Variants in VPS13B observed in about 807,000 individuals in gnomAD.
VPS13B encodes the protein intermembrane lipid transfer protein VPS13B.
Under a neutral mutation model 426.4 loss-of-function variants are expected in VPS13B, and 285 were observed. The ratio of observed to expected loss-of-function variants is 0.67; its 90% CI spans 0.61 to 0.74. The LOEUF is 0.74. Among genes scored for constraint, VPS13B ranks in the 30% least tolerant of loss-of-function variants. The pLI, the probability that VPS13B is intolerant of heterozygous loss-of-function variation, is 0.00. For synonymous variants in VPS13B, 1,676 were observed against 1,676.4 expected (o/e 1.00, Z 0.01); for missense variants, 4,537 against 4,782.6 (o/e 0.95, Z 1.51).
At chr8:99,444,126 T>G (rs1049589100) in intron 23 of VPS13B, among the ~76,000 whole-genome samples, 1 of 151,794 alleles carries the variant, frequency 6.6e-6, no homozygotes, top group Non-Finnish European at 1.5e-5. Context: ...TGAGATGGAG[T>G]CTTGCTCTGT....
At chr8:99,218,321 G>T (rs1341481502) in intron 17 of VPS13B, among the ~76,000 whole-genome samples, 1 of 152,196 alleles carries the variant, frequency 6.6e-6, no homozygotes, top group African/African-American at 2.4e-5. Flanking sequence ...GAAGAAGTTT[G>T]CTGATCCTTG....
intron 3 of VPS13B, among the ~76,000 whole-genome samples, chr8:99,081,567 C>A (rs1845459434): frequency 8.5e-6 from 1 of 118,050 alleles, no homozygotes; most frequent in Admixed American, 9.1e-5. Context: ...AAATGCTATC[C>A]CTCCCCCCTC....
rs368362777 is a variant in VPS13B, at chr8:99,577,506, G to T, written c.5093G>T (p.Gly1698Val). ...NLHTEEILVC[G>V]HSLEVNITTN... ...TTGCTTCAGGAGATTTTAGTGTGTGGCCATTCCTTAGAAGTGAATATAACC... is the reference window on the plus strand; with the variant it reads ...TTGCTTCAGGAGATTTTAGTGTGTGTCCATTCCTTAGAAGTGAATATAACC... Residue 1698 changes from glycine (G) to valine (V), a missense_variant, in exon 33 of 62, where the codon GGC (glycine) becomes GTC (valine). By Grantham distance (109) the Gly-to-Val change is moderately radical. Coordinates refer to ENST00000357162, the MANE Select transcript of VPS13B (RefSeq NM_152564.5). 96 of 1,613,574 alleles carry T rather than the reference G, an allele frequency of 5.9e-5. No individual in the cohort carries two copies. Among genetic ancestry groups the T allele is most frequent in the Non-Finnish European group, 7.2e-5 (85 of 1,179,714 alleles).
intron 39 of VPS13B, among the ~76,000 whole-genome samples, chr8:99,742,626 C>T (rs1194034170): frequency 6.6e-6 from 1 of 152,126 alleles, no homozygotes; most frequent in Non-Finnish European, 1.5e-5. Context: ...GCTTATCCAC[C>T]ATGATCAAGT....
intron 3 of VPS13B, among the ~76,000 whole-genome samples, chr8:99,070,017 G>A (rs912439701): frequency 2.0e-5 from 3 of 152,096 alleles, no homozygotes; most frequent in Non-Finnish European, 4.4e-5. Flanking sequence ...GATTCCCCCC[G>A]CCACGGCATC....
intron 21 of VPS13B, among the ~76,000 whole-genome samples, chr8:99,416,474 ACTC>A (rs1816013027): frequency 1.3e-5 from 2 of 151,706 alleles, no homozygotes; most frequent in Non-Finnish European, 1.5e-5. Context: ...TGAAAAAAAA[ACTC>A]CTGCAGCTAG....
chr8:99,633,757 A>G (rs1217215723), intron 33 of VPS13B, among the ~76,000 whole-genome samples: 1 of 151,090 alleles, frequency 6.6e-6, no homozygotes, highest in Non-Finnish European at 1.5e-5. Context: ...GTTGTTTCTT[A>G]TGTAGAGGCA....
intron 29 of VPS13B, among the ~76,000 whole-genome samples, chr8:99,517,637 C>A (rs1045036664): frequency 2.0e-5 from 3 of 152,086 alleles, no homozygotes; most frequent in African/African-American, 7.2e-5. Context: ...CTTTGACTTC[C>A]AGCTTAATCT....
chr8:99,765,832 TG>T (rs369111819), intron 39 of VPS13B, among the ~76,000 whole-genome samples: 47 of 152,324 alleles, frequency 3.1e-4, no homozygotes, highest in African/African-American at 1.0e-3. Context: ...GATTTTATCA[TG>T]GGTTTCATGC....
intron 21 of VPS13B, among the ~76,000 whole-genome samples, chr8:99,405,702 G>C (rs1428507153): frequency 6.6e-6 from 1 of 151,856 alleles, no homozygotes; most frequent in Non-Finnish European, 1.5e-5. Context: ...ACCTCCATTA[G>C]GTTCTCCCAT....
chr8:99,599,303 A>T (rs544507506), intron 33 of VPS13B, among the ~76,000 whole-genome samples: 1 of 151,910 alleles, frequency 6.6e-6, no homozygotes, highest in African/African-American at 2.4e-5. Flanking sequence ...CTTCCCATTC[A>T]TGCTAAATTA....
chr8:99,875,286 A>T, intron 61 of VPS13B, 132 bp from the exon 62 acceptor site: 1 of 1,288,970 alleles, frequency 7.8e-7, no homozygotes, highest in South Asian at 1.2e-5. Context: ...AAAAGGAAAC[A>T]TTCTGGATTA....
intron 21 of VPS13B, among the ~76,000 whole-genome samples, chr8:99,401,898 C>T (rs1158468745): frequency 6.6e-6 from 1 of 151,990 alleles, no homozygotes; most frequent in East Asian, 1.9e-4. Flanking sequence ...ATGTGTTTCT[C>T]ATTTTTAGAT....
chr8:99,696,769 C>T (rs1832023938), intron 35 of VPS13B: 2 of 1,395,772 alleles, frequency 1.4e-6, no homozygotes, highest in Middle Eastern at 2.2e-4. Context: ...ATGAGGAAAT[C>T]ATGCGTTTTT....
intron 2 of VPS13B, among the ~76,000 whole-genome samples, chr8:99,014,342 T>G (rs1841493180): frequency 6.6e-6 from 1 of 151,834 alleles, no homozygotes; most frequent in African/African-American, 2.4e-5. Context: ...GGTCTCGAAC[T>G]CCTGAGCTTA....
At chr8:99,838,250 A>T (rs1815499436) in intron 54 of VPS13B, among the ~76,000 whole-genome samples, 1 of 152,172 alleles carries the variant, frequency 6.6e-6, no homozygotes, top group Non-Finnish European at 1.5e-5. Flanking sequence ...CCATGATTTG[A>T]TAGTTAGTGG....
At chr8:99,841,750 G>A (rs992325154) in intron 54 of VPS13B, among the ~76,000 whole-genome samples, 15 of 152,164 alleles carry the variant, frequency 9.9e-5, no homozygotes, top group Admixed American at 9.2e-4. Flanking sequence ...TCTCAGAAAC[G>A]TCTCTGGAAT....
chr8:99,098,201 A>G (rs755278810), intron 4 of VPS13B, among the ~76,000 whole-genome samples: 2 of 152,098 alleles, frequency 1.3e-5, no homozygotes, highest in Non-Finnish European at 2.9e-5. Flanking sequence ...AGAGCCCTGA[A>G]GTAGCTGCTC....
intron 17 of VPS13B, among the ~76,000 whole-genome samples, chr8:99,240,036 CT>C (rs1338814272): frequency 6.6e-6 from 1 of 152,100 alleles, no homozygotes; most frequent in Admixed American, 6.5e-5. Flanking sequence ...TGTGAACCCC[CT>C]GATGCCAGAG....
Sources: gnomAD v4.1 joint callset for allele counts (sites outside exome capture counted in the v4.1 genomes callset) on GRCh38, gnomAD v4.1.1 for gene constraint, MANE v1.5 for transcripts, NCBI Gene and HGNC (gene_info 2026-07-23, HGNC 2026-07-21) for gene names.